The following ETNPPL variants were observed in gnomAD, a reference collection of about 807,000 sequenced individuals.
The protein encoded by ETNPPL is ethanolamine-phosphate phospho-lyase.
A neutral mutation model predicts 55.5 loss-of-function variants in ETNPPL; 30 were observed. That is an observed-to-expected ratio of 0.54 (90% CI 0.40 to 0.73). The LOEUF (loss-of-function observed/expected upper bound fraction) is 0.73. Among genes scored for constraint, ETNPPL ranks in the 30% least tolerant of loss-of-function variants. ETNPPL has a pLI of 0.00. For missense variants in ETNPPL, 528 were observed against 607.9 expected (o/e 0.87, Z 1.38); for synonymous variants, 202 against 207.2 (o/e 0.98, Z 0.21).
rs373968611 is a variant in ETNPPL, at chr4:108,747,124, TTATATATA to T, written c.1083-281_1083-274del. Among the ~76,000 whole-genome samples, 193 of 45,014 alleles carry T rather than the reference TTATATATA, an allele frequency of 4.3e-3. 27 individuals are homozygous for T. The highest frequency in any genetic ancestry group is 0.015 in the Middle Eastern group (1 of 66). The allele number at this position is 45,014 out of a possible 152,430, so 29.5% of individuals were successfully genotyped here. A position where few individuals can be genotyped will look rare whatever the true frequency, so the allele number is the denominator to read the frequency against. ...ATGTTAATGATGATAAATGTTAACATTATATATATATATATATATATATAATATATATA... is the reference window on the plus strand; with the variant it reads ...ATGTTAATGATGATAAATGTTAACATTATATATATATATATAATATATATA... On this transcript the variant is annotated intron_variant, in intron 9 of 12. Coordinates refer to ENST00000296486, the MANE Select transcript of ETNPPL (RefSeq NM_031279.4).
Position 108,762,865 on chromosome 4 carries a change from C to G in ETNPPL, c.34G>C (p.Gly12Arg), listed in dbSNP as rs1198396113. The G allele has an allele frequency of 1.9e-6, 3 of 1,614,102 alleles. No homozygotes were observed. The highest frequency in any genetic ancestry group is 1.1e-5 in the South Asian group (1 of 91,088). ...TACCCGATGTGCTTCTTCCTCAGCC[C>G]CAGAGTGTCCCGCTTACTGTACAGC... ...CELYSKRDTLGLRKKHIGPSC... is the reference protein window; with the variant it reads ...CELYSKRDTLRLRKKHIGPSC... Residue 12 changes from glycine to arginine, a missense_variant, in exon 1 of 13, where the codon GGG becomes CGG. Coordinates refer to ENST00000296486, the MANE Select transcript of ETNPPL (RefSeq NM_031279.4).
chr4:108,746,791 G>C lies in ETNPPL; in HGVS notation c.1143C>G (p.Ala381=), dbSNP rs1728521258. The part of the protein sequence containing the change: ...LVKDHLKRTP[A]TAEAQHIIYK... ...AGATGATGTGCTGAGCTTCAGCTGTGGCAGGGGTCCTTTTCAGATGGTCCT... is the reference window on the plus strand; with the variant it reads ...AGATGATGTGCTGAGCTTCAGCTGTCGCAGGGGTCCTTTTCAGATGGTCCT... The change falls in exon 10 of 13, where the codon GCC becomes GCG. Residue 381 remains alanine, a synonymous_variant. Coordinates refer to ENST00000296486, the MANE Select transcript of ETNPPL (RefSeq NM_031279.4). 1.2e-5 allele frequency: 20 copies of C among 1,613,854 alleles called. No individual in the cohort carries two copies. Among genetic ancestry groups the C allele is most frequent in the Non-Finnish European group, 1.7e-5 (20 of 1,179,902 alleles).
intron 1 of ETNPPL, chr4:108,762,122 T>C: frequency 4.6e-6 from 1 of 219,328 alleles, no homozygotes; most frequent in Non-Finnish European, 9.6e-6. Context: ...GACAATTAAT[T>C]TGACAGAGGT....
intron 7 of ETNPPL, among the ~76,000 whole-genome samples, chr4:108,750,058 A>C (rs1053236838): frequency 2.0e-5 from 3 of 152,164 alleles, no homozygotes; most frequent in Non-Finnish European, 2.9e-5. Flanking sequence ...GAATCAAACA[A>C]GTAGTTGTTA....
At chr4:108,758,335 C>T (rs903205922) in intron 3 of ETNPPL, among the ~76,000 whole-genome samples, 1 of 152,074 alleles carries the variant, frequency 6.6e-6, no homozygotes, top group African/African-American at 2.4e-5. Flanking sequence ...ATCTATAAAG[C>T]TTTCCCCAAT....
chr4:108,744,050 C>A (rs1399115462), intron 11 of ETNPPL, among the ~76,000 whole-genome samples, 194 bp from the exon 12 acceptor site: 1 of 152,182 alleles, frequency 6.6e-6, no homozygotes, highest in Non-Finnish European at 1.5e-5. Context: ...ATCACAAGGT[C>A]AGGAGTTTGA....
intron 3 of ETNPPL, among the ~76,000 whole-genome samples, chr4:108,758,126 G>C (rs980213224): frequency 6.6e-6 from 1 of 151,076 alleles, no homozygotes; most frequent in Admixed American, 6.6e-5. Flanking sequence ...CAAGTAGCTG[G>C]GACTACAGGC....
At chr4:108,754,544 A>C (rs899060538) in intron 5 of ETNPPL, 76 bp downstream of exon 5, 1 of 836,686 alleles carries the variant, frequency 1.2e-6, no homozygotes, top group African/African-American at 1.7e-5. Flanking sequence ...GTTCATCTAG[A>C]TGAAAGCATT....
At chr4:108,744,970 A>G (rs909579304) in intron 11 of ETNPPL, among the ~76,000 whole-genome samples, 3 of 152,028 alleles carry the variant, frequency 2.0e-5, no homozygotes, top group Non-Finnish European at 4.4e-5. Flanking sequence ...CCTGATCTCA[A>G]GTCAAGCAAT....
intron 9 of ETNPPL, among the ~76,000 whole-genome samples, chr4:108,747,148 A>AAT (rs1333493207): frequency 2.8e-5 from 1 of 35,420 alleles, no homozygotes; most frequent in African/African-American, 2.1e-4. Flanking sequence ...ATATATATAT[A>AAT]ATATATATAT....
chr4:108,760,058 A>C, intron 2 of ETNPPL, 130 bp downstream of exon 2: 3 of 1,056,664 alleles, frequency 2.8e-6, no homozygotes. Context: ...GATTTTCCCC[A>C]CTAGGACTAC....
chr4:108,747,134 AT>A (rs1251041798), intron 9 of ETNPPL, among the ~76,000 whole-genome samples: 3 of 39,568 alleles, frequency 7.6e-5, no homozygotes, highest in Non-Finnish European at 8.3e-5. Context: ...TTATATATAT[AT>A]ATATATATAT....
chr4:108,761,934 G>C (rs1358177594), intron 1 of ETNPPL, among the ~76,000 whole-genome samples: 1 of 152,176 alleles, frequency 6.6e-6, no homozygotes, highest in African/African-American at 2.4e-5. Flanking sequence ...CACTGGCCCG[G>C]CTGCAGTCGT....
At position 108,756,472 on chromosome 4, in the gene ETNPPL, G is replaced by C; in HGVS notation, c.356C>G (p.Ala119Gly). The change falls in exon 4 of 13, where the codon GCC (alanine) becomes GGC (glycine). Residue 119 changes from alanine to glycine, a missense_variant. Transcript: ENST00000296486. The stretch of plus-strand genomic sequence containing the variant: ...TCTGAACTGCCGAGCCAGGCGTAAG[G>C]CTAAGTCGTTGGCTTCGGATCTATT... ...TNSGSEANDLALRLARQFRGH... is the reference protein window; with the variant it reads ...TNSGSEANDLGLRLARQFRGH... 1 of 1,613,874 alleles carries C rather than the reference G, an allele frequency of 6.2e-7. No homozygotes were observed. Among genetic ancestry groups the C allele is most frequent in the Non-Finnish European group, 8.5e-7 (1 of 1,179,736 alleles).
chr4:108,743,235 T>C (rs1728303601), intron 12 of ETNPPL, among the ~76,000 whole-genome samples: 1 of 152,202 alleles, frequency 6.6e-6, no homozygotes. Context: ...CAGGGTGCTC[T>C]TTCTCACACC....
intron 5 of ETNPPL, among the ~76,000 whole-genome samples, chr4:108,754,056 C>G (rs913493397): frequency 4.0e-5 from 6 of 150,540 alleles, no homozygotes; most frequent in Non-Finnish European, 7.4e-5. Flanking sequence ...TCACTGCAAC[C>G]TCCACCTCCC....
At chr4:108,752,024 A>T (rs1728937429) in intron 6 of ETNPPL, among the ~76,000 whole-genome samples, 1 of 152,258 alleles carries the variant, frequency 6.6e-6, no homozygotes, top group African/African-American at 2.4e-5. Flanking sequence ...GAAGAGGAAG[A>T]GTATGAAGCT....
intron 3 of ETNPPL, among the ~76,000 whole-genome samples, chr4:108,758,735 C>T (rs963924168): frequency 1.3e-5 from 2 of 152,360 alleles, no homozygotes; most frequent in Admixed American, 6.5e-5. Flanking sequence ...TGTGCATGGC[C>T]TTCCAGACCA....
chr4:108,758,006 CTTTTTTTTTTT>C (rs11307616), intron 3 of ETNPPL, among the ~76,000 whole-genome samples: 1 of 116,726 alleles, frequency 8.6e-6, no homozygotes, highest in African/African-American at 3.2e-5. Flanking sequence ...ATATTTCTTT[CTTTTTTTTTTT>C]TTTTTTTTGA....
Sources: allele counts gnomAD v4.1 joint callset (sites outside exome capture counted in the v4.1 genomes callset), GRCh38; gene constraint gnomAD v4.1.1; transcripts MANE v1.5; gene names NCBI Gene and HGNC (gene_info 2026-07-23, HGNC 2026-07-21).